SGF29: variants seen among roughly 807,000 people sequenced by gnomAD.
SGF29 encodes SAGA complex associated factor 29.
In SGF29, 15 loss-of-function variants were observed where a neutral mutation model predicts 38.1. The ratio of observed to expected loss-of-function variants is 0.39; its 90% confidence interval spans 0.26 to 0.61. The LOEUF is 0.61. Ranked by LOEUF, SGF29 falls within the 20% of genes least tolerant of loss-of-function variation. The pLI, the probability that SGF29 is intolerant of heterozygous loss-of-function variation, is 0.49. For missense variants in SGF29, 184 were observed against 394.6 expected (o/e 0.47, Z 4.52); for synonymous variants, 151 against 160.8 (o/e 0.94, Z 0.46).
chr16:28,554,187 C>T (rs1392561127), intron 1 of SGF29, 90 bp downstream of exon 1: 1 of 152,088 alleles, frequency 6.6e-6, no homozygotes, highest in Non-Finnish European at 1.5e-5. Context: ...CTCCCGACCT[C>T]CCTGAGGCGG....
rs773021388 is a variant in SGF29, at chr16:28,581,081, G to A, written c.12G>A (p.Val4=). The change falls in exon 2 of 10, where the codon GTG becomes GTA. Residue 4 remains valine (V), a synonymous_variant. Coordinates refer to ENST00000317058, the MANE Select transcript of SGF29 (RefSeq NM_138414.3). ...TGCCCCTGTAGACAATGGCCCTCGT[G>A]TCTGCCGATTCCCGCATTGCAGAAC... MAL[V]SADSRIAELL... 5.0e-6 allele frequency: 8 copies of A among 1,613,942 alleles called. No individual in the cohort carries two copies. Among genetic ancestry groups the A allele is most frequent in the Middle Eastern group, 1.6e-4 (1 of 6,062 alleles).
intron 1 of SGF29, among the ~76,000 whole-genome samples, chr16:28,554,380 G>C (rs1019707720): frequency 6.6e-5 from 10 of 152,096 alleles, no homozygotes; most frequent in Admixed American, 5.9e-4. Flanking sequence ...CGCTGGGCTC[G>C]GCACGGACGC....
intron 1 of SGF29, among the ~76,000 whole-genome samples, chr16:28,557,226 C>T (rs1254694399): frequency 3.3e-5 from 5 of 152,194 alleles, no homozygotes; most frequent in Non-Finnish European, 5.9e-5. Flanking sequence ...TCTCTTCAGA[C>T]CGTGCTTAAT....
intron 1 of SGF29, among the ~76,000 whole-genome samples, chr16:28,563,215 A>C (rs1444609375): frequency 6.6e-6 from 1 of 152,198 alleles, no homozygotes; most frequent in African/African-American, 2.4e-5. Context: ...GTTGGTAGCC[A>C]AGGAGGCCAC....
At chr16:28,584,572 G>A (rs1289818354) in intron 2 of SGF29, among the ~76,000 whole-genome samples, 6 of 152,096 alleles carry the variant, frequency 3.9e-5, no homozygotes, top group Admixed American at 6.5e-5. Context: ...GGCGGATCAC[G>A]AGGTCAGGAG....
At chr16:28,579,517 A>G (rs558180782) in intron 1 of SGF29, among the ~76,000 whole-genome samples, 2 of 151,588 alleles carry the variant, frequency 1.3e-5, no homozygotes, top group South Asian at 4.2e-4. Context: ...CGGCCTCCCA[A>G]AGTGCTGGGA....
At chr16:28,584,835 G>C (rs2046947091) in intron 2 of SGF29, 78 bp from the exon 3 acceptor site, 8 of 961,252 alleles carry the variant, frequency 8.3e-6, no homozygotes, top group Non-Finnish European at 1.3e-5. Context: ...TTTGGGGATG[G>C]GGACTCTGGC....
chr16:28,589,821 AAC>A (rs1345848886), intron 5 of SGF29, among the ~76,000 whole-genome samples: 2 of 152,200 alleles, frequency 1.3e-5, no homozygotes, highest in African/African-American at 2.4e-5. Context: ...CAGATCAGCA[AAC>A]ACAGCCTGAA....
At chr16:28,582,798 G>C (rs1183576407) in intron 2 of SGF29, among the ~76,000 whole-genome samples, 2 of 152,130 alleles carry the variant, frequency 1.3e-5, no homozygotes, top group East Asian at 3.9e-4. Context: ...AGCCGGGCGT[G>C]GTGGTACATG....
intron 1 of SGF29, among the ~76,000 whole-genome samples, chr16:28,571,591 T>TA (rs143979584): frequency 0.14 from 18,434 of 127,258 alleles, 1,410 homozygotes; most frequent in Middle Eastern, 0.21. Flanking sequence ...GACTCCGCCT[T>TA]AAAAAAAAAA....
At chr16:28,584,266 C>A (rs1444942318) in intron 2 of SGF29, among the ~76,000 whole-genome samples, 1 of 150,968 alleles carries the variant, frequency 6.6e-6, no homozygotes, top group Non-Finnish European at 1.5e-5. Context: ...GCTGGGATTA[C>A]AGGCTTAAGC....
At chr16:28,563,715 CT>C (rs11445174) in intron 1 of SGF29, among the ~76,000 whole-genome samples, 6,988 of 80,634 alleles carry the variant, frequency 0.087, 49 homozygotes, top group Middle Eastern at 0.15. Context: ...GAGAAACAGA[CT>C]TTTTTTTTTT....
intron 1 of SGF29, among the ~76,000 whole-genome samples, chr16:28,569,684 G>A (rs1390386472): frequency 1.3e-5 from 2 of 152,156 alleles, no homozygotes; most frequent in Admixed American, 6.5e-5. Context: ...TGTATTTGGA[G>A]AGAATATGAA....
intron 1 of SGF29, among the ~76,000 whole-genome samples, chr16:28,571,850 C>T (rs1247522061): frequency 5.3e-5 from 8 of 152,152 alleles, no homozygotes; most frequent in Non-Finnish European, 8.8e-5. Context: ...AAGTCCCTGA[C>T]GCTACTAATG....
intron 1 of SGF29, among the ~76,000 whole-genome samples, chr16:28,554,755 G>T (rs1418741089): frequency 1.3e-5 from 2 of 152,138 alleles, no homozygotes; most frequent in Admixed American, 6.5e-5. Context: ...GAACCCTTGA[G>T]CCTCTAGTCA....
At chr16:28,566,230 C>T (rs548493989) in intron 1 of SGF29, among the ~76,000 whole-genome samples, 172 of 149,772 alleles carry the variant, frequency 1.1e-3, no homozygotes, top group Non-Finnish European at 2.0e-3. Flanking sequence ...GCCAAGATCG[C>T]GCCACTGCAC....
At chr16:28,574,288 A>G (rs1003579178) in intron 1 of SGF29, among the ~76,000 whole-genome samples, 6 of 152,144 alleles carry the variant, frequency 3.9e-5, no homozygotes, top group African/African-American at 1.2e-4. Context: ...CCCTTTTCCC[A>G]TGATTCTTCC....
chr16:28,588,257 G>C (rs868327227), intron 4 of SGF29, among the ~76,000 whole-genome samples: 1 of 152,202 alleles, frequency 6.6e-6, no homozygotes, highest in Non-Finnish European at 1.5e-5. Context: ...GGGGCTTCAA[G>C]GCCATGCAGG....
In SGF29 at chr16:28,590,759, C is replaced by T; in HGVS notation, c.603-14C>T. The T allele has an allele frequency of 6.2e-7, 1 of 1,614,018 alleles. No homozygotes were observed. Among genetic ancestry groups the T allele is most frequent in the East Asian group, 2.2e-5 (1 of 44,870 alleles). On this transcript the variant is annotated splice_polypyrimidine_tract_variant and intron_variant, in intron 8 of 9. Transcript: ENST00000317058. This position sits in a 1 kb window ranked among gnomAD's most constrained non-coding sequence, Gnocchi z 8.2. Reference sequence around the variant, plus strand: ...CACCCGGCCACAGGTTGATATAAGCCCCTCTTCCCCCAGGAGACACACCCT... The same window carrying T: ...CACCCGGCCACAGGTTGATATAAGCTCCTCTTCCCCCAGGAGACACACCCT...
Sources: allele counts gnomAD v4.1 joint callset (sites outside exome capture counted in the v4.1 genomes callset), GRCh38; gene constraint gnomAD v4.1.1; non-coding constraint Gnocchi (gnomAD v3.1); transcripts MANE v1.5; gene names NCBI Gene and HGNC (gene_info 2026-07-23, HGNC 2026-07-21).